The following MGAT5 variants were observed in gnomAD, a reference collection of about 807,000 sequenced individuals.
The protein encoded by MGAT5 is alpha-1,6-mannosylglycoprotein 6-beta-N-acetylglucosaminyltransferase A.
In MGAT5, 30 loss-of-function variants were observed where a neutral mutation model predicts 94.3. The observed-to-expected ratio is 0.32, with a 90% confidence interval of 0.24 to 0.43. The LOEUF is 0.43. Among genes scored for constraint, MGAT5 ranks in the 20% least tolerant of loss-of-function variants. MGAT5 has a pLI of 1.00. For synonymous variants in MGAT5, 310 were observed against 322.9 expected (o/e 0.96, Z 0.43); for missense variants, 691 against 905.5 (o/e 0.76, Z 3.04).
intron 1 of MGAT5, among the ~76,000 whole-genome samples, chr2:134,131,162 C>A (rs1686142533): frequency 6.6e-6 from 1 of 152,258 alleles, no homozygotes; most frequent in South Asian, 2.1e-4. Flanking sequence ...AGCGAGCTCA[C>A]AAACCCACCA....
chr2:134,215,727 T>C (rs1283575718), intron 1 of MGAT5, among the ~76,000 whole-genome samples: 1 of 152,210 alleles, frequency 6.6e-6, no homozygotes, highest in African/African-American at 2.4e-5. Context: ...AAGTATATAC[T>C]TAGAAGTGGG....
intron 10 of MGAT5, among the ~76,000 whole-genome samples, chr2:134,401,055 T>C (rs1683019408): frequency 6.6e-6 from 1 of 151,856 alleles, no homozygotes; most frequent in Admixed American, 6.6e-5. Context: ...CACTCTCTTC[T>C]CTCCCCTTCC....
intron 7 of MGAT5, among the ~76,000 whole-genome samples, chr2:134,342,465 G>A (rs982699782): frequency 1.3e-5 from 2 of 152,130 alleles, no homozygotes; most frequent in Non-Finnish European, 2.9e-5. Flanking sequence ...AGCTCATTGA[G>A]ATGAGAGACA....
At chr2:134,175,029 C>A (rs1463532448) in intron 1 of MGAT5, among the ~76,000 whole-genome samples, 5 of 152,194 alleles carry the variant, frequency 3.3e-5, no homozygotes, top group Non-Finnish European at 7.3e-5. Flanking sequence ...CCTTGCTTTC[C>A]TCCTGGCCCA....
intron 10 of MGAT5, among the ~76,000 whole-genome samples, chr2:134,381,378 T>TA (rs756562496): frequency 0.27 from 16,054 of 60,160 alleles, 1,304 homozygotes; most frequent in Non-Finnish European, 0.32. Context: ...TAAGATAAGA[T>TA]AGATTAGATA....
chr2:134,140,873 G>A (rs1686624487), intron 1 of MGAT5, among the ~76,000 whole-genome samples: 2 of 152,252 alleles, frequency 1.3e-5, no homozygotes, highest in Non-Finnish European at 1.5e-5. Flanking sequence ...GCTAACAAGT[G>A]AAGGAGCCAG....
At chr2:134,314,119 C>T (rs1344710261) in intron 2 of MGAT5, among the ~76,000 whole-genome samples, 3 of 152,154 alleles carry the variant, frequency 2.0e-5, no homozygotes, top group East Asian at 1.9e-4. Context: ...TCAGGTTATT[C>T]CCGGTCAGGT....
In MGAT5 at chr2:134,366,908, C is replaced by G. The variant is rs559948138; in HGVS notation, c.1380+4500C>G. Among the ~76,000 whole-genome samples the G allele has an allele frequency of 1.8e-3, 268 of 152,296 alleles. 4 individuals are homozygous for G. The highest frequency in any genetic ancestry group is 1.7e-3 in the Non-Finnish European group (115 of 68,020). On this transcript the variant is annotated intron_variant, in intron 10 of 15. Transcript: ENST00000281923. ...TCAGACTGCTGCCTGTCACTTTTTG[C>G]TACTGTAGGTGCCTAGTTCAGTCAC...
intron 4 of MGAT5, among the ~76,000 whole-genome samples, chr2:134,322,496 G>C (rs529367150): frequency 6.6e-6 from 1 of 152,168 alleles, no homozygotes; most frequent in Admixed American, 6.5e-5. Flanking sequence ...TTTATTTGTG[G>C]TGAGAGTATT....
At position 134,179,793 on chromosome 2, in the gene MGAT5, C is replaced by T. The variant is rs10176940; in HGVS notation, c.-143+59502C>T. Among the ~76,000 whole-genome samples, 1,399 of 152,246 alleles carry T rather than the reference C, an allele frequency of 9.2e-3. 19 individuals carry two copies. Among genetic ancestry groups the T allele is most frequent in the African/African-American group, 0.031 (1,274 of 41,542 alleles). ...GGCTAAATATGAGAGTGAGACCTGC[C>T]GGGCTGCATTTCCAGGAGGCAGGGC... On this transcript the variant is annotated intron_variant, in intron 1 of 16. Coordinates refer to the MGAT5 transcript ENST00000409645.
intron 2 of MGAT5, among the ~76,000 whole-genome samples, chr2:134,316,072 G>A (rs553081656): frequency 2.0e-5 from 3 of 152,272 alleles, no homozygotes; most frequent in Admixed American, 2.0e-4. Flanking sequence ...ACTATCGGCA[G>A]TAGGTAATGA....
At chr2:134,131,016 G>T (rs544347455) in intron 1 of MGAT5, among the ~76,000 whole-genome samples, 1 of 152,344 alleles carries the variant, frequency 6.6e-6, no homozygotes, top group African/African-American at 2.4e-5. Context: ...ACCCCCTGGG[G>T]TCCCCTTCCA....
intron 10 of MGAT5, among the ~76,000 whole-genome samples, chr2:134,379,314 TTCCTTTCCAGC>T (rs2106192658): frequency 6.6e-6 from 1 of 152,358 alleles, no homozygotes; most frequent in Non-Finnish European, 1.5e-5. Flanking sequence ...AGATCAAATA[TTCCTTTCCAGC>T]TTTGTTCTTT....
intron 10 of MGAT5, among the ~76,000 whole-genome samples, chr2:134,388,548 TTAAA>T (rs1430234013): frequency 6.6e-6 from 1 of 151,972 alleles, no homozygotes; most frequent in Non-Finnish European, 1.5e-5. Context: ...TTCATTTTAT[TTAAA>T]TAAAGATGCA....
intron 10 of MGAT5, among the ~76,000 whole-genome samples, chr2:134,397,236 A>T (rs34239772): frequency 2.0e-5 from 3 of 152,014 alleles, no homozygotes; most frequent in African/African-American, 7.3e-5. Context: ...CCTACAGACA[A>T]TGTCTTAGCC....
chr2:134,243,297 A>G (rs1043933286), intron 1 of MGAT5, among the ~76,000 whole-genome samples: 3 of 152,086 alleles, frequency 2.0e-5, no homozygotes, highest in South Asian at 2.1e-4. Flanking sequence ...TTCTATGTAC[A>G]TCATAGTTGG....
chr2:134,389,538 C>G (rs972036884), intron 10 of MGAT5, among the ~76,000 whole-genome samples: 1 of 152,222 alleles, frequency 6.6e-6, no homozygotes, highest in African/African-American at 2.4e-5. Context: ...ATCAGACCAA[C>G]CAGCTAGATA....
intron 10 of MGAT5, among the ~76,000 whole-genome samples, chr2:134,402,076 C>A (rs985193118): frequency 6.6e-6 from 1 of 152,158 alleles, no homozygotes; most frequent in Admixed American, 6.5e-5. Context: ...AATGAGGAAA[C>A]CTTGTCCCAC....
At chr2:134,315,755 A>C (rs1209624844) in intron 2 of MGAT5, among the ~76,000 whole-genome samples, 1 of 152,240 alleles carries the variant, frequency 6.6e-6, no homozygotes, top group East Asian at 1.9e-4. Context: ...CAGATCATGC[A>C]ACAGGGGCTC....
Sources: allele counts gnomAD v4.1 joint callset (sites outside exome capture counted in the v4.1 genomes callset), GRCh38; gene constraint gnomAD v4.1.1; transcripts MANE v1.5; gene names NCBI Gene and HGNC (gene_info 2026-07-23, HGNC 2026-07-21).